Variants in MYOM2 observed in about 807,000 individuals in gnomAD.
The protein encoded by MYOM2 is myomesin-2.
MYOM2 carries 254 observed loss-of-function variants against 187.6 expected under a neutral mutation model. The ratio of observed to expected loss-of-function variants is 1.35; its 90% confidence interval spans 1.22 to 1.50. MYOM2 has a LOEUF of 1.50. MYOM2 is among the 40% of genes most tolerant of loss of function. The probability of loss-of-function intolerance (pLI) is 0.00; values close to 1 mark genes in which losing one functional copy is unlikely to be tolerated. For missense variants in MYOM2, 2,796 were observed against 1,924.0 expected (o/e 1.45, Z -8.48); for synonymous variants, 981 against 753.8 (o/e 1.30, Z -4.94).
intron 1 of MYOM2, among the ~76,000 whole-genome samples, chr8:2,046,047 T>C (rs1369630787): frequency 6.6e-6 from 1 of 152,246 alleles, no homozygotes; most frequent in Non-Finnish European, 1.5e-5. Flanking sequence ...AAAACTTGTC[T>C]TGGGAGCCAA....
intron 25 of MYOM2, among the ~76,000 whole-genome samples, chr8:2,115,310 A>G (rs559150327): frequency 6.6e-6 from 1 of 152,376 alleles, no homozygotes; most frequent in South Asian, 2.1e-4. Context: ...AATTTGCTCA[A>G]TTCATCTGTG....
intron 8 of MYOM2, among the ~76,000 whole-genome samples, chr8:2,070,911 T>C (rs1206682565): frequency 6.6e-6 from 1 of 152,200 alleles, no homozygotes. Flanking sequence ...GTGCTGCTCC[T>C]GCCCGTCTCC....
intron 31 of MYOM2, 39 bp downstream of exon 31, chr8:2,124,256 G>A (rs767036135): frequency 6.3e-7 from 1 of 1,580,892 alleles, no homozygotes; most frequent in Non-Finnish European, 8.7e-7. Flanking sequence ...CATTTGGGGT[G>A]CTGAAATCAC....
chr8:2,136,187 G>A (rs75094916), intron 32 of MYOM2, among the ~76,000 whole-genome samples: 19,804 of 152,170 alleles, frequency 0.13, 2,182 homozygotes, highest in African/African-American at 0.28. Context: ...CTGGGATTGG[G>A]GTTGAAGGTG....
At position 2,096,380 on chromosome 8, in the gene MYOM2, C is replaced by T. The variant is rs1405778798; in HGVS notation, c.2259C>T (p.His753=). ...ACTACCTGGACAAGCGTGAAGTTCA[C>T]CATAAAAACTGGCACGAGGTCAATT... ...LGYYLDKREV[H]HKNWHEVNSS... Residue 753 remains histidine (H), a synonymous_variant, in exon 18 of 37, where the codon CAC becomes CAT. Coordinates refer to ENST00000262113, the MANE Select transcript of MYOM2 (RefSeq NM_003970.4). 3 of 1,614,214 alleles carry T rather than the reference C, an allele frequency of 1.9e-6. No individual in the cohort carries two copies. Among genetic ancestry groups the T allele is most frequent in the Non-Finnish European group, 1.7e-6 (2 of 1,180,044 alleles).
chr8:2,059,295 G>T, intron 6 of MYOM2, 50 bp downstream of exon 6: 6 of 1,543,622 alleles, frequency 3.9e-6, no homozygotes, highest in South Asian at 1.1e-5. Flanking sequence ...AATCAGCATT[G>T]CAGACCCCAA....
chr8:2,095,780 T>C (rs772355122), intron 17 of MYOM2, among the ~76,000 whole-genome samples: 3 of 152,176 alleles, frequency 2.0e-5, no homozygotes, highest in Non-Finnish European at 4.4e-5. Flanking sequence ...TCACACTCAT[T>C]TGAAGGAACC....
chr8:2,130,415 C>A (rs1350094825), intron 32 of MYOM2, among the ~76,000 whole-genome samples: 1 of 122,400 alleles, frequency 8.2e-6, no homozygotes, highest in Non-Finnish European at 1.6e-5. Context: ...TAGTTAACGC[C>A]CATCAGTACG....
At chr8:2,055,888 C>G (rs1818648415) in intron 3 of MYOM2, among the ~76,000 whole-genome samples, 1 of 152,158 alleles carries the variant, frequency 6.6e-6, no homozygotes, top group Non-Finnish European at 1.5e-5. Context: ...GCGATGTGGC[C>G]CTGGCCAAGA....
At chr8:2,068,836 C>T (rs761808364) in intron 6 of MYOM2, among the ~76,000 whole-genome samples, 71 of 152,320 alleles carry the variant, frequency 4.7e-4, no homozygotes, top group South Asian at 6.2e-4. Flanking sequence ...GGCTCCTACA[C>T]GGAGCAGGTC....
intron 21 of MYOM2, 78 bp downstream of exon 21, chr8:2,102,859 G>C: frequency 1.7e-6 from 2 of 1,177,254 alleles, no homozygotes; most frequent in Non-Finnish European, 2.5e-6. Context: ...GTATGGATGA[G>C]GGTGTGTGGA....
chr8:2,050,385 A>G (rs1294154986), intron 1 of MYOM2, among the ~76,000 whole-genome samples: 1 of 152,166 alleles, frequency 6.6e-6, no homozygotes, highest in East Asian at 1.9e-4. Context: ...CTTGTATTCT[A>G]AGTGTTTGTT....
intron 32 of MYOM2, among the ~76,000 whole-genome samples, chr8:2,135,454 G>C (rs987904261): frequency 1.1e-4 from 17 of 152,124 alleles, no homozygotes; most frequent in African/African-American, 4.1e-4. Flanking sequence ...AGGCAGTGTG[G>C]TTGTAAGAGT....
intron 13 of MYOM2, 28 bp downstream of exon 13, chr8:2,079,641 C>G (rs773642890): frequency 3.1e-6 from 5 of 1,610,796 alleles, no homozygotes; most frequent in Non-Finnish European, 4.2e-6. Context: ...ACCCCAGCTG[C>G]TCAGCCCCTG....
chr8:2,136,497 C>T (rs1012321241), intron 32 of MYOM2, among the ~76,000 whole-genome samples: 10 of 152,144 alleles, frequency 6.6e-5, no homozygotes, highest in African/African-American at 2.2e-4. Context: ...AAGTGTTCTT[C>T]CCCCAGATTG....
intron 6 of MYOM2, among the ~76,000 whole-genome samples, chr8:2,066,914 T>C (rs73555665): frequency 0.021 from 3,129 of 152,348 alleles, 98 homozygotes; most frequent in African/African-American, 0.069. Flanking sequence ...GCTTTGCTGA[T>C]GGCTTTGTAG....
chr8:2,127,829 C>T (rs1013424028), intron 31 of MYOM2: 2 of 155,926 alleles, frequency 1.3e-5, no homozygotes, highest in African/African-American at 4.8e-5. Context: ...CACACCATCT[C>T]TTCGTTCTTC....
chr8:2,141,968 A>G (rs1404707607), intron 34 of MYOM2, among the ~76,000 whole-genome samples: 7 of 152,056 alleles, frequency 4.6e-5, no homozygotes, highest in Non-Finnish European at 1.0e-4. Flanking sequence ...GGCCCATGCT[A>G]GCTTATTTAA....
At chr8:2,124,437 T>A (rs976611941) in intron 31 of MYOM2, among the ~76,000 whole-genome samples, 2 of 152,190 alleles carry the variant, frequency 1.3e-5, no homozygotes, top group African/African-American at 4.8e-5. Context: ...TTTAAGAAAC[T>A]CAGGTTGGGC....
Sources: gnomAD v4.1 joint callset for allele counts (sites outside exome capture counted in the v4.1 genomes callset) on GRCh38, gnomAD v4.1.1 for gene constraint, MANE v1.5 for transcripts, NCBI Gene and HGNC (gene_info 2026-07-23, HGNC 2026-07-21) for gene names.